Variants in DDX41 observed in about 807,000 individuals in gnomAD.
DDX41 encodes the protein DEAD-box helicase 41.
A neutral mutation model predicts 78.8 loss-of-function variants in DDX41; 50 were observed. The observed-to-expected ratio is 0.63, with a 90% CI of 0.51 to 0.80. The LOEUF (loss-of-function observed/expected upper bound fraction) is 0.80, where lower values mean the gene tolerates loss of function less well. Among genes scored for constraint, DDX41 ranks in the 30% least tolerant of loss-of-function variants. The pLI is 0.00. For synonymous variants in DDX41, 381 were observed against 321.5 expected, an observed-to-expected ratio of 1.19 and a Z score of -1.98; for missense variants, 633 against 849.2, an observed-to-expected ratio of 0.75 and a Z score of 3.16.
At position 177,513,750 on chromosome 5, in the gene DDX41, C is replaced by T. The variant is rs370129260; in HGVS notation, c.1033G>A (p.Glu345Lys). Residue 345 changes from glutamate (E) to lysine (K), a missense_variant, in exon 10 of 17, where the codon GAG becomes AAG. Coordinates refer to ENST00000330503, the MANE Select transcript of DDX41 (RefSeq NM_016222.4). This position sits in a 1 kb window ranked among gnomAD's most constrained non-coding sequence, Gnocchi z 4.6. Reference sequence around the variant, plus strand: ...CCCATGTCGATCATGCGGTCAGCCTCGTCCAGGGCCAGGTAGCGACAGATG... The same window carrying T: ...CCCATGTCGATCATGCGGTCAGCCTTGTCCAGGGCCAGGTAGCGACAGATG... ...LDICRYLALD[E>K]ADRMIDMGFE... The T allele has an allele frequency of 3.1e-6, 5 of 1,613,790 alleles. No individual in the cohort carries two copies. Among genetic ancestry groups the T allele is most frequent in the Non-Finnish European group, 4.2e-6 (5 of 1,180,024 alleles).
At position 177,511,676 on chromosome 5, in the gene DDX41, C is replaced by A; in HGVS notation, c.*115G>T. 1 of 1,423,376 alleles carries A rather than the reference C, an allele frequency of 7.0e-7. No homozygotes were observed. The allele number at this position is 1,423,376 out of a possible 1,614,324, so 88.2% of individuals were successfully genotyped here. A position where few individuals can be genotyped will look rare whatever the true frequency, so the allele number is the denominator to read the frequency against. On this transcript the variant is annotated 3_prime_UTR_variant, in exon 17 of 17. Transcript: ENST00000330503. ...AACAGGCAGCCAGGACCAGCCTGGC[C>A]CATCCCAGGCCAGCTGAGCTGAAAT...
At position 177,512,199 on chromosome 5, in the gene DDX41, T is replaced by C; in HGVS notation, c.1629A>G (p.Ser543=). 6.2e-7 allele frequency: 1 copy of C among 1,613,780 alleles called. No homozygotes were observed. Among genetic ancestry groups the C allele is most frequent in the Non-Finnish European group, 8.5e-7 (1 of 1,180,010 alleles). The part of the protein sequence containing the change: ...TTFINKACDE[S]VLMDLKALLL... ...GCAGCGCTTTGAGGTCCATCAGCAC[T>C]GACTCATCTGGGGGAGGAGTGGGGA... is the stretch of plus-strand genomic sequence containing the variant. The change falls in exon 16 of 17, where the codon TCA becomes TCG. Residue 543 remains serine, a synonymous_variant. Transcript: ENST00000330503.
rs758885853 is a variant in DDX41 at position 177,513,382 on chromosome 5, C to T, written c.1201G>A (p.Ala401Thr). 6.2e-7 allele frequency: 1 copy of T among 1,614,150 alleles called. No homozygotes were observed. The highest frequency in any genetic ancestry group is 1.1e-5 in the South Asian group (1 of 91,090). The change falls in exon 11 of 17, where the codon GCT becomes ACT. Residue 401 changes from alanine (A) to threonine (T), a missense_variant. By Grantham distance (58) the Ala-to-Thr change is moderately conservative. Around this residue, in one of 6 missense-constraint regions of DDX41, gnomAD observed 185 missense variants for 367.4 expected, o/e 0.50. Coordinates refer to ENST00000330503, the MANE Select transcript of DDX41 (RefSeq NM_016222.4). This position sits in a 1 kb window ranked among gnomAD's most constrained non-coding sequence, Gnocchi z 4.6. ...ATGACATCCAGGCTGGCAGCCCCAG[C>T]GCGCCCCACATTGATGGTCACAGGC... Reference protein sequence around the residue: ...VKPVTINVGRAGAASLDVIQE... With the variant: ...VKPVTINVGRTGAASLDVIQE...
Position 177,513,944 on chromosome 5 carries a change from C to T in DDX41, c.936-97G>A, listed in dbSNP as rs1761103740. The T allele has an allele frequency of 1.6e-6, 2 of 1,226,192 alleles. No homozygotes were observed. The highest frequency in any genetic ancestry group is 1.9e-5 in the Admixed American group (1 of 51,676). The allele number at this position is 1,226,192 out of a possible 1,614,324, so 76.0% of individuals were successfully genotyped here. ...TGCATCTGCTCTGCTCTCTGTCCTC[C>T]TTCCTATTTCTTTGTCTGTCCCCTT... On this transcript the variant is annotated intron_variant, in intron 9 of 16. Transcript: ENST00000330503. The surrounding 1 kb of genome is among the most constrained non-coding windows in gnomAD (Gnocchi z 4.6).
chr5:177,515,915 C>T lies in DDX41; in HGVS notation c.434+14G>A, dbSNP rs371795310. On this transcript the variant is annotated intron_variant, in intron 5 of 16. Coordinates refer to ENST00000330503, the MANE Select transcript of DDX41 (RefSeq NM_016222.4). ...CATCCTAAGCAAGGGCAACTGCAGA[C>T]TGTACAGACATACCTGGTTTTGATG... 1.9e-6 allele frequency: 3 copies of T among 1,614,110 alleles called. No individual in the cohort carries two copies. Among genetic ancestry groups the T allele is most frequent in the Non-Finnish European group, 2.5e-6 (3 of 1,180,054 alleles).
In DDX41 at chr5:177,516,458, A is replaced by C; in HGVS notation, c.139-11T>G. The C allele has an allele frequency of 1.2e-6, 2 of 1,612,640 alleles. No homozygotes were observed. Among genetic ancestry groups the C allele is most frequent in the Non-Finnish European group, 1.7e-6 (2 of 1,179,948 alleles). ...CAGCAGCTTCTGGAGCTGAGGTTCC[A>C]CCCGGGATCCACAGATAGGATGGGC... On this transcript the variant is annotated splice_polypyrimidine_tract_variant and intron_variant, in intron 2 of 16. Coordinates refer to ENST00000330503, the MANE Select transcript of DDX41 (RefSeq NM_016222.4).
Position 177,514,680 on chromosome 5 carries a change from G to C in DDX41, c.935+21C>G. ...GACTCGCAGGTGGCAGAGGTGGGGGGCAGGGAGCGCCAGCACTCACTGTCG... is the reference window on the plus strand; with the variant it reads ...GACTCGCAGGTGGCAGAGGTGGGGGCCAGGGAGCGCCAGCACTCACTGTCG... On this transcript the variant is annotated intron_variant, in intron 9 of 16. Coordinates refer to ENST00000330503, the MANE Select transcript of DDX41 (RefSeq NM_016222.4). The surrounding 1 kb of genome is among the most constrained non-coding windows in gnomAD (Gnocchi z 4.2). The C allele has an allele frequency of 2.5e-6, 4 of 1,600,584 alleles. No individual in the cohort carries two copies. The highest frequency in any genetic ancestry group is 3.4e-6 in the Non-Finnish European group (4 of 1,172,224).
Position 177,513,546 on chromosome 5 carries a change from G to A in DDX41, c.1099-62C>T, listed in dbSNP as rs1761081483. ...GGCTGGGCTGAGGGGCATGGGGTCT[G>A]GGGAAGCTGAGCAACTGAGACACAG... On this transcript the variant is annotated intron_variant, in intron 10 of 16. Coordinates refer to ENST00000330503, the MANE Select transcript of DDX41 (RefSeq NM_016222.4). This position sits in a 1 kb window ranked among gnomAD's most constrained non-coding sequence, Gnocchi z 4.6. 1 of 1,612,026 alleles carries A rather than the reference G, an allele frequency of 6.2e-7. No individual in the cohort carries two copies. The highest frequency in any genetic ancestry group is 8.5e-7 in the Non-Finnish European group (1 of 1,178,928).
Position 177,514,281 on chromosome 5 carries a change from G to A in DDX41, c.935+420C>T. 1 of 488,544 alleles carries A rather than the reference G, an allele frequency of 2.0e-6. No homozygotes were observed. The highest frequency in any genetic ancestry group is 4.0e-6 in the Non-Finnish European group (1 of 249,704). The allele number at this position is 488,544 out of a possible 1,614,324, so 30.3% of individuals were successfully genotyped here. On this transcript the variant is annotated intron_variant, in intron 9 of 16. Transcript: ENST00000330503. The surrounding 1 kb of genome is among the most constrained non-coding windows in gnomAD (Gnocchi z 4.2). ...GGCCTCTGGTGGTCTGCAGAGGACT[G>A]CACAGCACTGAAAGGACACAGGTGC...
At position 177,515,244 on chromosome 5, in the gene DDX41, G is replaced by C; in HGVS notation, c.586C>G (p.Leu196Val). Residue 196 changes from leucine to valine, a missense_variant, in exon 7 of 17, where the codon CTG becomes GTG. Around this residue, in one of 6 missense-constraint regions of DDX41, gnomAD observed 126 missense variants for 115.5 expected, o/e 1.09. Coordinates refer to ENST00000330503, the MANE Select transcript of DDX41 (RefSeq NM_016222.4). Reference sequence around the variant, plus strand: ...GGGTGGTGAATGCCTTTCTTCTTCAGGCCTCTCAGGATGGCTATGAAAACC... The same window carrying C: ...GGGTGGTGAATGCCTTTCTTCTTCACGCCTCTCAGGATGGCTATGAAAACC... ...MKFPAAILRG[L>V]KKKGIHHPTP... 1 of 1,613,968 alleles carries C rather than the reference G, an allele frequency of 6.2e-7. No individual in the cohort carries two copies. The highest frequency in any genetic ancestry group is 8.5e-7 in the Non-Finnish European group (1 of 1,180,018).
Position 177,512,853 on chromosome 5 carries a change from C to T in DDX41, c.1326G>A (p.Lys442=), listed in dbSNP as rs573199137. ...PPPVLIFAEK[K]ADVDAIHEYL... is the part of the protein sequence containing the mutation. ...ACTCGTGGATGGCGTCCACGTCTGCCTTCTTCTCTGCAAAGATGAGTACCT... is the reference window on the plus strand; with the variant it reads ...ACTCGTGGATGGCGTCCACGTCTGCTTTCTTCTCTGCAAAGATGAGTACCT... Residue 442 remains lysine, a synonymous_variant, in exon 13 of 17, where the codon AAG becomes AAA. Coordinates refer to ENST00000330503, the MANE Select transcript of DDX41 (RefSeq NM_016222.4). The T allele has an allele frequency of 1.7e-5, 28 of 1,614,056 alleles. No homozygotes were observed. Among genetic ancestry groups the T allele is most frequent in the Admixed American group, 1.7e-4 (10 of 60,028 alleles).
rs1385926016 is a variant in DDX41, at chr5:177,514,308, G to A, written c.935+393C>T. On this transcript the variant is annotated intron_variant, in intron 9 of 16. Transcript: ENST00000330503. The surrounding 1 kb of genome is among the most constrained non-coding windows in gnomAD (Gnocchi z 4.2). ...ACAGCACTGAAAGGACACAGGTGCC[G>A]CTGGGATCCAGCCCTACCCCAGTGC... The A allele has an allele frequency of 5.0e-5, 24 of 483,582 alleles. No individual in the cohort carries two copies. Among genetic ancestry groups the A allele is most frequent in the Non-Finnish European group, 7.3e-5 (18 of 248,210 alleles). The allele number at this position is 483,582 out of a possible 1,614,324, so 30.0% of individuals were successfully genotyped here.
rs754343389 is a variant in DDX41, at chr5:177,516,159, C to T, written c.333G>A (p.Lys111=). ...RKESAKEKQL[K]EEEKILESVA... The stretch of plus-strand genomic sequence containing the variant: ...CACTCTCCAGGATCTTCTCTTCTTC[C>T]TTCAGCTGCTTCTCCTTGGCAGACT... The change falls in exon 4 of 17, where the codon AAG becomes AAA. Residue 111 remains lysine (K), a synonymous_variant. Coordinates refer to ENST00000330503, the MANE Select transcript of DDX41 (RefSeq NM_016222.4). The T allele has an allele frequency of 6.2e-6, 10 of 1,613,952 alleles. No individual in the cohort carries two copies. In the African/African-American group the frequency reaches 8.0e-5, roughly 13 times the overall value.
At chr5:177,516,548 A>C (rs1355849098) in intron 2 of DDX41, 101 bp from the exon 3 acceptor site, 2 of 1,492,354 alleles carry the variant, frequency 1.3e-6, no homozygotes, top group Non-Finnish European at 1.8e-6. Flanking sequence ...CCCGAGGCGC[A>C]AAGCTGCCCT....
At position 177,515,970 on chromosome 5, in the gene DDX41, C is replaced by G; in HGVS notation, c.393G>C (p.Glu131Asp). The change falls in exon 5 of 17, where the codon GAG (glutamate) becomes GAC (aspartate). Residue 131 changes from glutamate to aspartate, a missense_variant. Around this residue, in one of 6 missense-constraint regions of DDX41, gnomAD observed 24 missense variants for 59.8 expected, o/e 0.40. Coordinates refer to ENST00000330503, the MANE Select transcript of DDX41 (RefSeq NM_016222.4). ...AEGRALMSVK[E>D]MAKGITYDDP... ...CATCATACGTAATGCCCTTAGCCAT[C>G]TCCTTCACTGACATCAATGCTGAAG... is the stretch of plus-strand genomic sequence containing the variant. 6.2e-7 allele frequency: 1 copy of G among 1,614,226 alleles called. No homozygotes were observed. Among genetic ancestry groups the G allele is most frequent in the Non-Finnish European group, 8.5e-7 (1 of 1,180,038 alleles).
In DDX41 at chr5:177,516,758, G is replaced by C; in HGVS notation, c.105C>G (p.Pro35=). ...AEDEDDEDYV[P]YVPLRQRRQL... is the part of the protein sequence containing the mutation. ...GCCGGCGCTGCCGTAACGGCACATA[G>C]GGCACGTAGTCCTCGTCGTCCTCAT... The change falls in exon 2 of 17, where the codon CCC becomes CCG. Residue 35 remains proline (P), a synonymous_variant. Coordinates refer to ENST00000330503, the MANE Select transcript of DDX41 (RefSeq NM_016222.4). 3.7e-6 allele frequency: 6 copies of C among 1,611,094 alleles called. No individual in the cohort carries two copies. The highest frequency in any genetic ancestry group is 5.1e-6 in the Non-Finnish European group (6 of 1,179,158).
At position 177,512,200 on chromosome 5, in the gene DDX41, G is replaced by T; in HGVS notation, c.1628C>A (p.Ser543Ter). ...TTFINKACDESVLMDLKALLL... is the reference protein window; with the variant it reads ...TTFINKACDE ...CAGCGCTTTGAGGTCCATCAGCACT[G>T]ACTCATCTGGGGGAGGAGTGGGGAA... is the stretch of plus-strand genomic sequence containing the variant. Residue 543 changes from serine (S) to a stop codon, truncating the protein, a stop_gained, in exon 16 of 17, where the codon TCA becomes TAA. Coordinates refer to ENST00000330503, the MANE Select transcript of DDX41 (RefSeq NM_016222.4). LOFTEE classifies it high-confidence loss of function. 6.2e-7 allele frequency: 1 copy of T among 1,613,698 alleles called. No homozygotes were observed. Among genetic ancestry groups the T allele is most frequent in the South Asian group, 1.1e-5 (1 of 91,038 alleles).
rs1761119684 is a variant in DDX41 at position 177,514,265 on chromosome 5, T to G, written c.936-418A>C. 2.0e-6 allele frequency: 1 copy of G among 488,424 alleles called. No homozygotes were observed. The highest frequency in any genetic ancestry group is 2.3e-5 in the Admixed American group (1 of 43,380). 30.3% of individuals were successfully genotyped at this position (488,424 alleles called of 1,614,324 possible). A position where few individuals can be genotyped will look rare whatever the true frequency, so the allele number is the denominator to read the frequency against. Reference sequence around the variant, plus strand: ...AGAGGGCCTGGTCCAGGGCCTCTGGTGGTCTGCAGAGGACTGCACAGCACT... The same window carrying G: ...AGAGGGCCTGGTCCAGGGCCTCTGGGGGTCTGCAGAGGACTGCACAGCACT... On this transcript the variant is annotated intron_variant, in intron 9 of 16. Transcript: ENST00000330503. The surrounding 1 kb of genome is among the most constrained non-coding windows in gnomAD (Gnocchi z 4.2).
Position 177,513,852 on chromosome 5 carries a change from G to A in DDX41, c.936-5C>T. The stretch of plus-strand genomic sequence containing the variant: ...GCCACCATCATGTGTACACCGCTGG[G>A]GACCAAGGAGAGACCCTGAGGTTGG... On this transcript the variant is annotated splice_region_variant and splice_polypyrimidine_tract_variant and intron_variant, in intron 9 of 16. Coordinates refer to ENST00000330503, the MANE Select transcript of DDX41 (RefSeq NM_016222.4). The surrounding 1 kb of genome is among the most constrained non-coding windows in gnomAD (Gnocchi z 4.6). 3 of 1,613,288 alleles carry A rather than the reference G, an allele frequency of 1.9e-6. No individual in the cohort carries two copies. The highest frequency in any genetic ancestry group is 2.5e-6 in the Non-Finnish European group (3 of 1,179,802).
Sources: gnomAD v4.1 joint callset for allele counts on GRCh38, gnomAD v4.1.1 for gene constraint, gnomAD v4.1.1 regional missense constraint, Gnocchi (gnomAD v3.1) non-coding constraint, MANE v1.5 for transcripts, NCBI Gene and HGNC (gene_info 2026-07-23, HGNC 2026-07-21) for gene names.